Variants in KIF6 observed in about 807,000 individuals in gnomAD.
KIF6 encodes the protein kinesin family member 6, also known as kinesin-like protein KIF6.
In KIF6, 106 loss-of-function variants were observed where a neutral mutation model predicts 112.7. That is an observed-to-expected ratio of 0.94 (90% CI 0.80 to 1.11). The LOEUF is 1.11. Ranked by LOEUF, KIF6 falls within the 50% of genes least tolerant of loss-of-function variation. The pLI is 0.00. For missense variants in KIF6, 929 were observed against 964.0 expected (o/e 0.96, Z 0.48); for synonymous variants, 339 against 339.9 (o/e 1.00, Z 0.03).
chr6:39,597,095 A>G (rs184984478), intron 6 of KIF6, among the ~76,000 whole-genome samples: 1 of 152,312 alleles, frequency 6.6e-6, no homozygotes, highest in Admixed American at 6.5e-5. Context: ...ATATTAATGC[A>G]CCATTTCATA....
In KIF6 at chr6:39,651,354, T is replaced by C. The variant is rs114311646; in HGVS notation, c.252-11597A>G. Among the ~76,000 whole-genome samples, 397 of 152,218 alleles carry C rather than the reference T, an allele frequency of 2.6e-3. 1 individual carries two copies. The highest frequency in any genetic ancestry group is 4.2e-3 in the Non-Finnish European group (283 of 68,012). On this transcript the variant is annotated intron_variant, in intron 3 of 22. Coordinates refer to ENST00000287152, the MANE Select transcript of KIF6 (RefSeq NM_145027.6). ...GGGCCTATCTTCAGGGGAGGATCTGTCTGAGAAGTTTGGAGAGAGACTGGA... is the reference window on the plus strand; with the variant it reads ...GGGCCTATCTTCAGGGGAGGATCTGCCTGAGAAGTTTGGAGAGAGACTGGA...
At chr6:39,703,210 C>G (rs1561943758) in intron 3 of KIF6, among the ~76,000 whole-genome samples, 1 of 151,788 alleles carries the variant, frequency 6.6e-6, no homozygotes, top group African/African-American at 2.4e-5. Flanking sequence ...GAACAAAGCC[C>G]ACTGATTCAG....
At chr6:39,608,427 A>G (rs1213571152) in intron 6 of KIF6, among the ~76,000 whole-genome samples, 3 of 152,220 alleles carry the variant, frequency 2.0e-5, no homozygotes, top group South Asian at 4.1e-4. Context: ...GAAGTGTTGA[A>G]TATCTCATAT....
At chr6:39,652,799 T>A (rs1463715412) in intron 3 of KIF6, among the ~76,000 whole-genome samples, 1 of 152,186 alleles carries the variant, frequency 6.6e-6, no homozygotes, top group Non-Finnish European at 1.5e-5. Context: ...TAGTAAGTGA[T>A]AAGAGTAATA....
At chr6:39,464,727 A>G (rs112097407) in intron 13 of KIF6, among the ~76,000 whole-genome samples, 1,706 of 152,280 alleles carry the variant, frequency 0.011, 42 homozygotes, top group African/African-American at 0.039. Context: ...GATTCACGCT[A>G]ACAAGACCCC....
intron 3 of KIF6, among the ~76,000 whole-genome samples, chr6:39,710,986 C>T (rs1340564194): frequency 6.6e-6 from 1 of 151,278 alleles, no homozygotes; most frequent in African/African-American, 2.4e-5. Context: ...GTGATCATGC[C>T]ACTGCACTCC....
chr6:39,359,569 G>C (rs1764969923), intron 18 of KIF6, among the ~76,000 whole-genome samples: 1 of 151,834 alleles, frequency 6.6e-6, no homozygotes, highest in East Asian at 1.9e-4. Flanking sequence ...TACTTGAACA[G>C]CTATGTGATT....
intron 3 of KIF6, chr6:39,691,474 C>G (rs1788205599): frequency 6.6e-6 from 1 of 152,112 alleles, no homozygotes; most frequent in Non-Finnish European, 1.5e-5. Flanking sequence ...GTTTCTGTGA[C>G]TCAAGCTTTT....
intron 3 of KIF6, among the ~76,000 whole-genome samples, chr6:39,644,995 A>G (rs879276360): frequency 2.0e-5 from 3 of 152,192 alleles, no homozygotes; most frequent in Non-Finnish European, 4.4e-5. Flanking sequence ...AGAGTGAGAT[A>G]AACATTTTTG....
chr6:39,431,778 G>T (rs1771173251), intron 13 of KIF6, among the ~76,000 whole-genome samples: 1 of 152,050 alleles, frequency 6.6e-6, no homozygotes, highest in Admixed American at 6.5e-5. Flanking sequence ...GCCAATAAAG[G>T]CCAACCCTCA....
At position 39,334,656 on chromosome 6, in the gene KIF6, T is replaced by C. The variant is rs7774046; in HGVS notation, c.*1876A>G. The C allele has an allele frequency of 0.58, 87,493 of 152,014 alleles. 27,641 individuals are homozygous for C. The highest frequency in any genetic ancestry group is 0.86 in the African/African-American group (35,544 of 41,444). The allele number at this position is 152,014 out of a possible 1,614,324, so 9.4% of individuals were successfully genotyped here. ...AGTAAAAATAAAAGAAAATAAAAGTTAGTAGACTCTACCCAGCTCTAGAGG... is the reference window on the plus strand; with the variant it reads ...AGTAAAAATAAAAGAAAATAAAAGTCAGTAGACTCTACCCAGCTCTAGAGG... On this transcript the variant is annotated 3_prime_UTR_variant, in exon 23 of 23. Transcript: ENST00000287152.
chr6:39,448,328 C>A (rs1772460891), intron 13 of KIF6, among the ~76,000 whole-genome samples: 1 of 152,024 alleles, frequency 6.6e-6, no homozygotes, highest in Non-Finnish European at 1.5e-5. Context: ...GCACCTGCCA[C>A]CACACCCGGC....
At chr6:39,576,811 G>C (rs1017476244) in intron 10 of KIF6, among the ~76,000 whole-genome samples, 19 of 152,202 alleles carry the variant, frequency 1.2e-4, no homozygotes, top group African/African-American at 4.3e-4. Context: ...CAGCAAAACT[G>C]TCTCCTGGCA....
chr6:39,348,332 G>A (rs1475990925), intron 19 of KIF6, among the ~76,000 whole-genome samples: 1 of 152,152 alleles, frequency 6.6e-6, no homozygotes, highest in Admixed American at 6.5e-5. Flanking sequence ...GGATGGGGCA[G>A]GGTAGAAGGG....
At chr6:39,406,172 T>C (rs920159796) in intron 15 of KIF6, among the ~76,000 whole-genome samples, 6 of 152,018 alleles carry the variant, frequency 3.9e-5, no homozygotes, top group African/African-American at 1.4e-4. Flanking sequence ...AGGGGTGTGC[T>C]ACCATATTCA....
At chr6:39,500,334 C>T (rs1172310255) in intron 13 of KIF6, among the ~76,000 whole-genome samples, 2 of 152,124 alleles carry the variant, frequency 1.3e-5, no homozygotes, top group African/African-American at 2.4e-5. Context: ...AGAAAGTCCC[C>T]AGAGTCCAGA....
At chr6:39,544,981 C>A (rs1317706888) in intron 11 of KIF6, among the ~76,000 whole-genome samples, 1 of 152,120 alleles carries the variant, frequency 6.6e-6, no homozygotes. Context: ...ACTCCTTTCC[C>A]TTTCTCTATA....
intron 13 of KIF6, among the ~76,000 whole-genome samples, chr6:39,520,793 G>C (rs1582038314): frequency 6.6e-6 from 1 of 152,106 alleles, no homozygotes. Flanking sequence ...TCCAAGGTGG[G>C]CTTTTCGGTC....
At chr6:39,519,151 A>C (rs1376619008) in intron 13 of KIF6, among the ~76,000 whole-genome samples, 1 of 152,196 alleles carries the variant, frequency 6.6e-6, no homozygotes, top group African/African-American at 2.4e-5. Flanking sequence ...GAGACAGAAA[A>C]TGTATAAATA....
Sources: gnomAD v4.1 joint callset for allele counts (sites outside exome capture counted in the v4.1 genomes callset) on GRCh38, gnomAD v4.1.1 for gene constraint, MANE v1.5 for transcripts, NCBI Gene and HGNC (gene_info 2026-07-23, HGNC 2026-07-21) for gene names.